The following UBE2E1 variants were observed in gnomAD, a reference collection of about 807,000 sequenced individuals.
The protein encoded by UBE2E1 is ubiquitin-conjugating enzyme E2 E1.
In UBE2E1, 6 loss-of-function variants were observed where a neutral mutation model predicts 21.4. The observed-to-expected ratio is 0.28, with a 90% CI of 0.15 to 0.55. The LOEUF (loss-of-function observed/expected upper bound fraction) is 0.55. Ranked by LOEUF, UBE2E1 falls within the 20% of genes least tolerant of loss-of-function variation. UBE2E1 has a pLI of 0.93. For synonymous variants in UBE2E1, 87 were observed against 82.7 expected (o/e 1.05, Z -0.28); for missense variants, 142 against 236.5 (o/e 0.60, Z 2.62).
rs918345507 is a variant in UBE2E1, at chr3:23,876,836, G to A, written c.204-10731G>A. Among the ~76,000 whole-genome samples, 1 of 152,064 alleles carries A rather than the reference G, an allele frequency of 6.6e-6. No homozygotes were observed. Among genetic ancestry groups the A allele is most frequent in the Non-Finnish European group, 1.5e-5 (1 of 68,026 alleles). On this transcript the variant is annotated intron_variant, in intron 3 of 5. Transcript: ENST00000306627. The surrounding 1 kb of genome is among the most constrained non-coding windows in gnomAD (Gnocchi z 4.3). ...AAGCAGAAGTATCGCTTGAGCCCAG[G>A]AGTTCAAGACCAGTCTGGGTAACCT...
rs1700916113 is a variant in UBE2E1, at chr3:23,876,468, A to G, written c.204-11099A>G. Among the ~76,000 whole-genome samples, 1 of 152,226 alleles carries G rather than the reference A, an allele frequency of 6.6e-6. No individual in the cohort carries two copies. The highest frequency in any genetic ancestry group is 1.5e-5 in the Non-Finnish European group (1 of 68,028). ...GCAGCTTTCACCCAGTATCTCTGGT[A>G]GATTGCTACCTTCATAGCTTATCTT... On this transcript the variant is annotated intron_variant, in intron 3 of 5. Coordinates refer to ENST00000306627, the MANE Select transcript of UBE2E1 (RefSeq NM_003341.5). The surrounding 1 kb of genome is among the most constrained non-coding windows in gnomAD (Gnocchi z 4.3).
chr3:23,851,640 A>G (rs1276457257), intron 3 of UBE2E1, among the ~76,000 whole-genome samples: 1 of 152,060 alleles, frequency 6.6e-6, no homozygotes, highest in Non-Finnish European at 1.5e-5. Context: ...CCTCTTCTCT[A>G]TAAAGAATAA....
intron 3 of UBE2E1, among the ~76,000 whole-genome samples, chr3:23,850,512 T>TTTA (rs386396148): frequency 4.6e-4 from 5 of 10,788 alleles, no homozygotes; most frequent in African/African-American, 8.7e-4. Flanking sequence ...TCTACTCCTC[T>TTTA]TTATTATTAT....
intron 3 of UBE2E1, among the ~76,000 whole-genome samples, chr3:23,833,905 G>C (rs891029965): frequency 1.3e-5 from 2 of 152,132 alleles, no homozygotes; most frequent in Non-Finnish European, 2.9e-5. Flanking sequence ...GGCTGAGGTG[G>C]GAGGATCACT....
chr3:23,809,972 A>G (rs2125278464), intron 2 of UBE2E1, among the ~76,000 whole-genome samples: 1 of 152,324 alleles, frequency 6.6e-6, no homozygotes, highest in South Asian at 2.1e-4. Context: ...TCTAAAGTTG[A>G]CAGATACGTA....
At chr3:23,846,651 G>C (rs1700210083) in intron 3 of UBE2E1, among the ~76,000 whole-genome samples, 1 of 143,692 alleles carries the variant, frequency 7.0e-6, no homozygotes. Context: ...AGCTGAGATC[G>C]TGCCACTGCA....
rs1304345215 is a variant in UBE2E1 at position 23,810,135 on chromosome 3, C to CTG, written c.153-1315_153-1314dup. Among the ~76,000 whole-genome samples, 1 of 152,152 alleles carries CTG rather than the reference C, an allele frequency of 6.6e-6. No homozygotes were observed. The highest frequency in any genetic ancestry group is 1.5e-5 in the Non-Finnish European group (1 of 68,028). On this transcript the variant is annotated intron_variant, in intron 2 of 5. Transcript: ENST00000306627. The surrounding 1 kb of genome is among the most constrained non-coding windows in gnomAD (Gnocchi z 5.8). ...CGTATCCTTTGTGAATTAGATTGCT[C>CTG]TGTGTGTGTGTTTAAAATTTTTTTA...
At chr3:23,837,820 A>C (rs1209658133) in intron 3 of UBE2E1, among the ~76,000 whole-genome samples, 1 of 152,204 alleles carries the variant, frequency 6.6e-6, no homozygotes, top group East Asian at 1.9e-4. Flanking sequence ...GGAAAATTAA[A>C]TACTACAAAC....
chr3:23,864,132 A>C (rs191157081), intron 3 of UBE2E1, among the ~76,000 whole-genome samples: 1 of 152,262 alleles, frequency 6.6e-6, no homozygotes, highest in African/African-American at 2.4e-5. Context: ...CTTGATTGAT[A>C]GTTTGTCTGG....
intron 3 of UBE2E1, among the ~76,000 whole-genome samples, chr3:23,857,478 C>T (rs1700467974): frequency 2.0e-5 from 3 of 152,150 alleles, no homozygotes; most frequent in African/African-American, 7.2e-5. Context: ...TTATAAAGAA[C>T]ACATTCAGTA....
At chr3:23,867,516 A>G (rs1235192580) in intron 3 of UBE2E1, among the ~76,000 whole-genome samples, 1 of 152,216 alleles carries the variant, frequency 6.6e-6, no homozygotes, top group African/African-American at 2.4e-5. Flanking sequence ...AAATTGACAA[A>G]TAATTATCTT....
intron 3 of UBE2E1, among the ~76,000 whole-genome samples, chr3:23,857,018 AAG>A (rs1553638830): frequency 1.4e-4 from 20 of 146,052 alleles, no homozygotes; most frequent in Non-Finnish European, 6.0e-5. Flanking sequence ...AAAAAAAAAA[AAG>A]AGAGAGAATG....
chr3:23,872,176 GC>G (rs1393365277), intron 3 of UBE2E1, among the ~76,000 whole-genome samples: 1 of 152,168 alleles, frequency 6.6e-6, no homozygotes, highest in Non-Finnish European at 1.5e-5. Flanking sequence ...CTGGAGACCA[GC>G]CCGGCCAACA....
intron 3 of UBE2E1, among the ~76,000 whole-genome samples, chr3:23,851,628 A>T (rs182960930): frequency 5.9e-5 from 9 of 151,942 alleles, no homozygotes; most frequent in Non-Finnish European, 1.5e-5. Context: ...ACAAAGTGAG[A>T]CCCTCTTCTC....
intron 3 of UBE2E1, among the ~76,000 whole-genome samples, chr3:23,871,072 T>A (rs1700773828): frequency 6.6e-6 from 1 of 151,838 alleles, no homozygotes; most frequent in African/African-American, 2.4e-5. Flanking sequence ...GTCCCATGTC[T>A]ACCTCTTTCT....
chr3:23,811,158 A>G (rs1699382224), intron 2 of UBE2E1: 1 of 442,884 alleles, frequency 2.3e-6, no homozygotes, highest in East Asian at 3.6e-5. Flanking sequence ...TCGGCAAGTG[A>G]GAAACTTTAA....
At chr3:23,822,075 C>G (rs2125287476) in intron 3 of UBE2E1, among the ~76,000 whole-genome samples, 1 of 152,158 alleles carries the variant, frequency 6.6e-6, no homozygotes, top group Middle Eastern at 3.4e-3. Flanking sequence ...GCAAAGGAGA[C>G]AGAAGGAAAA....
intron 5 of UBE2E1, among the ~76,000 whole-genome samples, chr3:23,889,998 G>C (rs1257074337): frequency 2.0e-5 from 3 of 152,122 alleles, no homozygotes; most frequent in Admixed American, 6.5e-5. Context: ...CTAAGATTCA[G>C]AGAAATACTA....
intron 3 of UBE2E1, among the ~76,000 whole-genome samples, chr3:23,837,121 T>TA (rs1699989678): frequency 6.6e-6 from 1 of 152,186 alleles, no homozygotes; most frequent in African/African-American, 2.4e-5. Flanking sequence ...GCCTACCTCA[T>TA]AGAGTTTTTA....
Sources: allele counts gnomAD v4.1 joint callset (sites outside exome capture counted in the v4.1 genomes callset), GRCh38; gene constraint gnomAD v4.1.1; non-coding constraint Gnocchi (gnomAD v3.1); transcripts MANE v1.5; gene names NCBI Gene and HGNC (gene_info 2026-07-23, HGNC 2026-07-21).